The following PPP1R15B variants were observed in gnomAD, a reference collection of about 807,000 sequenced individuals.
PPP1R15B encodes the protein protein phosphatase 1 regulatory subunit 15B.
In PPP1R15B, 31 loss-of-function variants were observed where a neutral mutation model predicts 53.9. That is an observed-to-expected ratio of 0.58 (90% confidence interval 0.43 to 0.78). PPP1R15B has a LOEUF of 0.78. Among genes scored for constraint, PPP1R15B ranks in the 30% least tolerant of loss-of-function variants. The pLI, the probability that PPP1R15B is intolerant of heterozygous loss-of-function variation, is 0.00. For synonymous variants in PPP1R15B, 345 were observed against 329.1 expected, an observed-to-expected ratio of 1.05 and a Z score of -0.52; for missense variants, 928 against 849.6, an observed-to-expected ratio of 1.09 and a Z score of -1.15.
chr1:204,404,555 G>A lies in PPP1R15B; in HGVS notation c.*1537C>T, dbSNP rs1674233867. 1.0e-6 allele frequency: 1 copy of A among 985,560 alleles called. No individual in the cohort carries two copies. Among genetic ancestry groups the A allele is most frequent in the Non-Finnish European group, 1.2e-6 (1 of 829,816 alleles). The allele number at this position is 985,560 out of a possible 1,614,324, so 61.1% of individuals were successfully genotyped here. On this transcript the variant is annotated 3_prime_UTR_variant, in exon 2 of 2. Transcript: ENST00000367188. ...CAAAAATTTGACCAGCTTTTATAGT[G>A]TTGCATTCTCAATGTGTTTAATTAT...
rs764504874 is a variant in PPP1R15B at position 204,410,250 on chromosome 1, T to C, written c.1162A>G (p.Ser388Gly). The change falls in exon 1 of 2, where the codon AGT becomes GGT. Residue 388 changes from serine (S) to glycine (G), a missense_variant. Transcript: ENST00000367188. ...EESPSEGCPS[S>G]EIPMEKEPGE... The stretch of plus-strand genomic sequence containing the variant: ...GGCTCCTTTTCCATAGGTATCTCAC[T>C]AGATGGACAGCCCTCAGAAGGGCTC... The C allele has an allele frequency of 2.5e-6, 4 of 1,614,154 alleles. No homozygotes were observed. The highest frequency in any genetic ancestry group is 2.2e-5 in the East Asian group (1 of 44,884).
Position 204,404,065 on chromosome 1 carries a change from A to C in PPP1R15B, c.*2027T>G, listed in dbSNP as rs1333751465. 1 of 985,362 alleles carries C rather than the reference A, an allele frequency of 1.0e-6. No homozygotes were observed. The highest frequency in any genetic ancestry group is 1.2e-6 in the Non-Finnish European group (1 of 829,948). 61.0% of individuals were successfully genotyped at this position (985,362 alleles called of 1,614,324 possible). ...ATAAAATGTTTCAGCCTGGTTTTAA[A>C]AGAATGCCTGTATGTTGTCAAAAGG... On this transcript the variant is annotated 3_prime_UTR_variant, in exon 2 of 2. Coordinates refer to ENST00000367188, the MANE Select transcript of PPP1R15B (RefSeq NM_032833.5).
At position 204,405,813 on chromosome 1, in the gene PPP1R15B, T is replaced by C; in HGVS notation, c.*279A>G. ...AAAATGACAACTCAAAAAGGTCCCC[T>C]TTCCACCTCATGCAGGCAAAGGACA... On this transcript the variant is annotated 3_prime_UTR_variant, in exon 2 of 2. Coordinates refer to ENST00000367188, the MANE Select transcript of PPP1R15B (RefSeq NM_032833.5). 1 of 1,132,544 alleles carries C rather than the reference T, an allele frequency of 8.8e-7. No homozygotes were observed. Among genetic ancestry groups the C allele is most frequent in the South Asian group, 3.1e-5 (1 of 32,186 alleles). 70.2% of individuals were successfully genotyped at this position (1,132,544 alleles called of 1,614,324 possible). A position where few individuals can be genotyped will look rare whatever the true frequency, so the allele number is the denominator to read the frequency against.
chr1:204,404,056 T>C lies in PPP1R15B; in HGVS notation c.*2036A>G, dbSNP rs981182066. The stretch of plus-strand genomic sequence containing the variant: ...GTCTCGGAAATAAAATGTTTCAGCC[T>C]GGTTTTAAAAGAATGCCTGTATGTT... On this transcript the variant is annotated 3_prime_UTR_variant, in exon 2 of 2. Transcript: ENST00000367188. The C allele has an allele frequency of 3.0e-6, 3 of 985,336 alleles. No homozygotes were observed. In the African/African-American group the frequency reaches 5.2e-5, roughly 17 times the overall value. 61.0% of individuals were successfully genotyped at this position (985,336 alleles called of 1,614,324 possible).
chr1:204,410,573 T>C lies in PPP1R15B; in HGVS notation c.839A>G (p.Gln280Arg), dbSNP rs1254535389. The change falls in exon 1 of 2, where the codon CAG (glutamine) becomes CGG (arginine). Residue 280 changes from glutamine to arginine, a missense_variant. Physicochemically the swap from Gln to Arg is conservative, Grantham distance 43. Transcript: ENST00000367188. ...TTCCGTAGAAAGAGGTGGACATCCC[T>C]GCCACGAGGCCGGAATGAGTTCTGC... ...LSAELIPASWQGCPPLSTEGL... is the reference protein window; with the variant it reads ...LSAELIPASWRGCPPLSTEGL... The C allele has an allele frequency of 1.9e-6, 3 of 1,613,876 alleles. No homozygotes were observed. Among genetic ancestry groups the C allele is most frequent in the African/African-American group, 1.3e-5 (1 of 74,922 alleles).
In PPP1R15B at chr1:204,410,299, C is replaced by T. The variant is rs760532529; in HGVS notation, c.1113G>A (p.Glu371=). 1.9e-6 allele frequency: 3 copies of T among 1,614,018 alleles called. No individual in the cohort carries two copies. The highest frequency in any genetic ancestry group is 1.7e-5 in the Admixed American group (1 of 60,010). ...TCTCTTCTTCCAAAGCAAGTGGAACCTCTGTAGTTAATAATTCTATTTTTT... is the reference window on the plus strand; with the variant it reads ...TCTCTTCTTCCAAAGCAAGTGGAACTTCTGTAGTTAATAATTCTATTTTTT... ...TEEKIELLTT[E]VPLALEEESP... is the part of the protein sequence containing the mutation. The change falls in exon 1 of 2, where the codon GAG becomes GAA. Residue 371 remains glutamate, a synonymous_variant. Coordinates refer to ENST00000367188, the MANE Select transcript of PPP1R15B (RefSeq NM_032833.5).
In PPP1R15B at chr1:204,411,511, C is replaced by A. The variant is rs1187285000; in HGVS notation, c.-100G>T. On this transcript the variant is annotated 5_prime_UTR_variant, in exon 1 of 2. Coordinates refer to ENST00000367188, the MANE Select transcript of PPP1R15B (RefSeq NM_032833.5). ...CCTACAGAGTCTCGGCCTTGCCCAG[C>A]GGTGGCGTCGCTGCTCCAGGCCGAT... The A allele has an allele frequency of 6.8e-7, 1 of 1,460,102 alleles. No homozygotes were observed. Among genetic ancestry groups the A allele is most frequent in the Non-Finnish European group, 9.1e-7 (1 of 1,093,698 alleles). The allele number at this position is 1,460,102 out of a possible 1,614,324, so 90.4% of individuals were successfully genotyped here. A position where few individuals can be genotyped will look rare whatever the true frequency, so the allele number is the denominator to read the frequency against.
At chr1:204,398,563 C>T (rs1334366064), downstream of PPP1R15B, among the ~76,000 whole-genome samples, 1 of 152,148 alleles carries the variant, frequency 6.6e-6, no homozygotes, top group Non-Finnish European at 1.5e-5. Context: ...TGGGTAATTA[C>T]CACAAAAAGG....
chr1:204,411,810 C>T lies in PPP1R15B; in HGVS notation c.-399G>A, dbSNP rs971710769. 4.8e-6 allele frequency: 1 copy of T among 208,756 alleles called. No homozygotes were observed. Among genetic ancestry groups the T allele is most frequent in the African/African-American group, 2.3e-5 (1 of 42,674 alleles). The allele number at this position is 208,756 out of a possible 1,614,324, so 12.9% of individuals were successfully genotyped here. A position where few individuals can be genotyped will look rare whatever the true frequency, so the allele number is the denominator to read the frequency against. On this transcript the variant is annotated 5_prime_UTR_variant, in exon 1 of 2. Transcript: ENST00000367188. ...GCCGGCTGGTGCGGTGGAAGCGAAG[C>T]CCAAAATGGCCGCAGGGCCCGCGCG...
At position 204,411,286 on chromosome 1, in the gene PPP1R15B, C is replaced by T. The variant is rs187490039; in HGVS notation, c.126G>A (p.Pro42=). ...GSSKFPTPLG[P]ENSGNPTLLS... Reference sequence around the variant, plus strand: ...GCAGTGTGGGGTTCCCGGAGTTTTCCGGGCCAAGAGGCGTCGGGAACTTAG... The same window carrying T: ...GCAGTGTGGGGTTCCCGGAGTTTTCTGGGCCAAGAGGCGTCGGGAACTTAG... The change falls in exon 1 of 2, where the codon CCG becomes CCA. Residue 42 remains proline (P), a synonymous_variant. Transcript: ENST00000367188. The T allele has an allele frequency of 5.6e-6, 9 of 1,614,206 alleles. No homozygotes were observed. In the Admixed American group the frequency reaches 6.7e-5, roughly 12 times the overall value.
chr1:204,397,755 C>T (rs554469927), downstream of PPP1R15B, among the ~76,000 whole-genome samples: 80 of 152,128 alleles, frequency 5.3e-4, no homozygotes, highest in African/African-American at 1.9e-3. Context: ...GAATGGTATC[C>T]TGCATAATGA....
Position 204,403,594 on chromosome 1 carries a change from G to A in PPP1R15B, c.*2498C>T. 3 of 985,050 alleles carry A rather than the reference G, an allele frequency of 3.0e-6. No individual in the cohort carries two copies. Among genetic ancestry groups the A allele is most frequent in the Non-Finnish European group, 3.6e-6 (3 of 829,272 alleles). The allele number at this position is 985,050 out of a possible 1,614,324, so 61.0% of individuals were successfully genotyped here. On this transcript the variant is annotated 3_prime_UTR_variant, in exon 2 of 2. Transcript: ENST00000367188. ...GTTTTGATTTCAAGTTAAAGATGAA[G>A]AAGTGTTACATTTCATCACTCAGAA...
rs1316519058 is a variant in PPP1R15B, at chr1:204,403,503, C to A, written c.*2589G>T. 2 of 935,812 alleles carry A rather than the reference C, an allele frequency of 2.1e-6. No individual in the cohort carries two copies. The highest frequency in any genetic ancestry group is 4.9e-5 in the South Asian group (1 of 20,262). The allele number at this position is 935,812 out of a possible 1,614,324, so 58.0% of individuals were successfully genotyped here. ...CATTTAAATTATTGATCTGTAGAAG[C>A]CAATTTAGAGTCTTCTAGTCCCCTA... is the stretch of plus-strand genomic sequence containing the variant. On this transcript the variant is annotated 3_prime_UTR_variant, in exon 2 of 2. Coordinates refer to ENST00000367188, the MANE Select transcript of PPP1R15B (RefSeq NM_032833.5).
chr1:204,395,971 A>G (rs147399923), downstream of PPP1R15B, among the ~76,000 whole-genome samples: 21 of 152,252 alleles, frequency 1.4e-4, 1 homozygote, highest in South Asian at 6.2e-4. Flanking sequence ...TCATACTTAA[A>G]CAAGCCAACT....
chr1:204,401,438 T>C (rs529764197), downstream of PPP1R15B, among the ~76,000 whole-genome samples: 147 of 152,302 alleles, frequency 9.7e-4, 4 homozygotes, highest in South Asian at 0.029. Context: ...CTGTGTATCA[T>C]TAAATAACTC....
chr1:204,411,509 A>C lies in PPP1R15B; in HGVS notation c.-98T>G. ...AGCCTACAGAGTCTCGGCCTTGCCC[A>C]GCGGTGGCGTCGCTGCTCCAGGCCG... On this transcript the variant is annotated 5_prime_UTR_variant, in exon 1 of 2. Transcript: ENST00000367188. 2 of 1,473,764 alleles carry C rather than the reference A, an allele frequency of 1.4e-6. No individual in the cohort carries two copies. Among genetic ancestry groups the C allele is most frequent in the Non-Finnish European group, 1.8e-6 (2 of 1,105,694 alleles). The allele number at this position is 1,473,764 out of a possible 1,614,324, so 91.3% of individuals were successfully genotyped here. A position where few individuals can be genotyped will look rare whatever the true frequency, so the allele number is the denominator to read the frequency against.
In PPP1R15B at chr1:204,410,096, G is replaced by A. The variant is rs1674339006; in HGVS notation, c.1316C>T (p.Thr439Ile). ...ATCCTCACCTTCTGGATCAGAACTT[G>A]TTTCCAGGTCACTGGATGCACCTCC... ...ILGGASSDLE[T>I]SSDPEGEDWD... is the part of the protein sequence containing the mutation. Residue 439 changes from threonine to isoleucine, a missense_variant, in exon 1 of 2, where the codon ACA (threonine) becomes ATA (isoleucine). By Grantham distance (89) the Thr-to-Ile change is moderately conservative. Coordinates refer to ENST00000367188, the MANE Select transcript of PPP1R15B (RefSeq NM_032833.5). 1 of 1,614,148 alleles carries A rather than the reference G, an allele frequency of 6.2e-7. No homozygotes were observed. Among genetic ancestry groups the A allele is most frequent in the Non-Finnish European group, 8.5e-7 (1 of 1,180,038 alleles).
At position 204,410,777 on chromosome 1, in the gene PPP1R15B, C is replaced by T; in HGVS notation, c.635G>A (p.Arg212His). Residue 212 changes from arginine (R) to histidine (H), a missense_variant, in exon 1 of 2, where the codon CGC (arginine) becomes CAC (histidine). By Grantham distance (29) the Arg-to-His change is conservative (BLOSUM62 0). Transcript: ENST00000367188. ...GGATACCACACTGAAATTGTCTATG[C>T]GTTGAATGTTTAGAGGCCCAGAGGG... is the stretch of plus-strand genomic sequence containing the variant. ...SSPSGPLNIQ[R>H]IDNFSVVSYL... is the part of the protein sequence containing the mutation. 6.2e-7 allele frequency: 1 copy of T among 1,614,192 alleles called. No homozygotes were observed. Among genetic ancestry groups the T allele is most frequent in the Non-Finnish European group, 8.5e-7 (1 of 1,180,032 alleles).
downstream of PPP1R15B, chr1:204,400,642 TA>T: frequency 1.8e-6 from 1 of 568,526 alleles, no homozygotes; most frequent in Non-Finnish European, 2.2e-6. Context: ...ATCTTAAGTA[TA>T]AATATTTACC....
Sources: gnomAD v4.1 joint callset for allele counts (sites outside exome capture counted in the v4.1 genomes callset) on GRCh38, gnomAD v4.1.1 for gene constraint, MANE v1.5 for transcripts, NCBI Gene and HGNC (gene_info 2026-07-23, HGNC 2026-07-21) for gene names.